Variants in HEATR3 observed in about 807,000 individuals in gnomAD.
HEATR3 encodes the protein HEAT repeat containing 3.
HEATR3 carries 56 observed loss-of-function variants against 72.8 expected under a neutral mutation model. That is an observed-to-expected ratio of 0.77 (90% CI 0.62 to 0.96). HEATR3 has a LOEUF of 0.96. HEATR3 is among the 40% of genes least tolerant of loss of function. HEATR3 has a pLI of 0.00. For synonymous variants in HEATR3, 331 were observed against 318.1 expected (o/e 1.04, Z -0.43); for missense variants, 747 against 831.4 (o/e 0.90, Z 1.25).
At position 50,105,144 on chromosome 16, in the gene HEATR3, T is replaced by G. The variant is rs372440692; in HGVS notation, c.*83T>G. 2.1e-5 allele frequency: 30 copies of G among 1,416,590 alleles called. No individual in the cohort carries two copies. The highest frequency in any genetic ancestry group is 1.8e-4 in the East Asian group (8 of 43,496). 87.8% of individuals were successfully genotyped at this position (1,416,590 alleles called of 1,614,324 possible). A position where few individuals can be genotyped will look rare whatever the true frequency, so the allele number is the denominator to read the frequency against. On this transcript the variant is annotated 3_prime_UTR_variant, in exon 15 of 15. Coordinates refer to ENST00000299192, the MANE Select transcript of HEATR3 (RefSeq NM_182922.4). Reference sequence around the variant, plus strand: ...AAGGTTTTCTTTGAATGTATATGTTTCTGAAAGTCATTTTTTAATGATTAC... The same window carrying G: ...AAGGTTTTCTTTGAATGTATATGTTGCTGAAAGTCATTTTTTAATGATTAC...
rs771971920 is a variant in HEATR3, at chr16:50,105,053, ACTT to A, written c.2039_2041del (p.Ser680del). On this transcript the variant is annotated inframe_deletion, in exon 15 of 15. Transcript: ENST00000299192. ...TCAAGAAACTGTTGAGAAAAGACTGACTTCTTAAACAATCCAAAAAAGAAACCA... is the reference window on the plus strand; with the variant it reads ...TCAAGAAACTGTTGAGAAAAGACTGACTTAAACAATCCAAAAAAGAAACCA... 8.7e-6 allele frequency: 14 copies of A among 1,608,832 alleles called. No individual in the cohort carries two copies. The African/African-American group carries it at 1.9e-4, about 22-fold the overall frequency.
At chr16:50,096,015 A>G (rs1018117686) in intron 12 of HEATR3, among the ~76,000 whole-genome samples, 4 of 152,062 alleles carry the variant, frequency 2.6e-5, no homozygotes, top group Non-Finnish European at 5.9e-5. Flanking sequence ...CAGTTTTCCC[A>G]GATTGCCTTA....
At chr16:50,072,521 G>A (rs891701028) in intron 4 of HEATR3, 84 bp from the exon 5 acceptor site, 11 of 861,472 alleles carry the variant, frequency 1.3e-5, no homozygotes, top group Admixed American at 2.3e-5. Context: ...ATAAAGCCTC[G>A]TTTGTTTTTT....
chr16:50,068,249 C>G (rs1208048251), intron 2 of HEATR3, among the ~76,000 whole-genome samples: 1 of 152,192 alleles, frequency 6.6e-6, no homozygotes, highest in African/African-American at 2.4e-5. Context: ...CCCAGGGCTG[C>G]TTTAGGGGGT....
intron 10 of HEATR3, 68 bp downstream of exon 10, chr16:50,084,719 T>C (rs2036950296): frequency 4.9e-6 from 6 of 1,235,834 alleles, no homozygotes; most frequent in Non-Finnish European, 7.0e-6. Flanking sequence ...GGCTATTAAA[T>C]AGAAGGTGCT....
intron 13 of HEATR3, chr16:50,100,843 A>G (rs867116481): frequency 1.7e-4 from 34 of 194,538 alleles, no homozygotes; most frequent in Admixed American, 1.3e-3. Flanking sequence ...TGGTAGTGCC[A>G]ATATACTAGC....
intron 11 of HEATR3, among the ~76,000 whole-genome samples, chr16:50,093,920 C>T (rs1379317315): frequency 6.6e-6 from 1 of 152,216 alleles, no homozygotes. Flanking sequence ...CACAAAGTCC[C>T]ACCCTGATTT....
At chr16:50,101,240 C>T (rs770971329) in intron 13 of HEATR3, among the ~76,000 whole-genome samples, 17 of 151,894 alleles carry the variant, frequency 1.1e-4, no homozygotes, top group Non-Finnish European at 1.9e-4. Context: ...CTCAGCCTCC[C>T]GAGTAGCTGG....
At chr16:50,078,451 A>G (rs942718315) in intron 6 of HEATR3, among the ~76,000 whole-genome samples, 1 of 152,190 alleles carries the variant, frequency 6.6e-6, no homozygotes, top group African/African-American at 2.4e-5. Context: ...GATGCCACTC[A>G]CTTTGTCATT....
rs570878267 is a variant in HEATR3 at position 50,091,965 on chromosome 16, A to C, written c.1511-2740A>C. 8.5e-5 allele frequency among the ~76,000 whole-genome samples: 13 copies of C among 152,200 alleles called. No individual in the cohort carries two copies. The East Asian group carries it at 2.5e-3, about 29-fold the overall frequency. ...GTGCAATTCATAAATCTATAAATTC[A>C]TAATTTTATAGGGCTATACCTAGAG... On this transcript the variant is annotated intron_variant, in intron 11 of 14. Transcript: ENST00000299192.
chr16:50,086,929 CAAAAT>C (rs968976598), intron 11 of HEATR3, among the ~76,000 whole-genome samples: 4 of 152,168 alleles, frequency 2.6e-5, no homozygotes, highest in African/African-American at 9.6e-5. Flanking sequence ...AACTCCATCT[CAAAAT>C]AATAATAATA....
At chr16:50,086,417 AT>A in intron 11 of HEATR3, 66 bp downstream of exon 11, 1 of 1,493,896 alleles carries the variant, frequency 6.7e-7, no homozygotes, top group African/African-American at 1.4e-5. Flanking sequence ...AGGAATTTGG[AT>A]TTTGTAAATG....
chr16:50,094,676 A>G, intron 11 of HEATR3, 29 bp from the exon 12 acceptor site: 2 of 1,381,824 alleles, frequency 1.4e-6, no homozygotes, highest in Non-Finnish European at 2.0e-6. Flanking sequence ...GGAGAAATGC[A>G]AATTTTATAT....
chr16:50,102,781 G>A (rs1218202131), intron 14 of HEATR3, among the ~76,000 whole-genome samples: 1 of 150,252 alleles, frequency 6.7e-6, no homozygotes, highest in East Asian at 1.9e-4. Context: ...TTGTTTTTTT[G>A]AGACAGAATC....
At chr16:50,069,513 T>C (rs999736479) in intron 3 of HEATR3, among the ~76,000 whole-genome samples, 4 of 152,208 alleles carry the variant, frequency 2.6e-5, no homozygotes, top group Admixed American at 1.3e-4. Context: ...TAACTGGCAA[T>C]GTCTGGAGAC....
intron 4 of HEATR3, 37 bp downstream of exon 4, chr16:50,070,327 A>G (rs761237425): frequency 3.3e-5 from 35 of 1,046,048 alleles, no homozygotes; most frequent in Non-Finnish European, 4.9e-5. Context: ...CTGCTATAGC[A>G]GTACCCAGGC....
chr16:50,091,465 T>A (rs1232816280), intron 11 of HEATR3, among the ~76,000 whole-genome samples: 3 of 151,678 alleles, frequency 2.0e-5, no homozygotes, highest in African/African-American at 7.3e-5. Context: ...ATACTCCGTC[T>A]AAAAAACATA....
At chr16:50,094,207 G>A (rs1333010424) in intron 11 of HEATR3, among the ~76,000 whole-genome samples, 1 of 152,220 alleles carries the variant, frequency 6.6e-6, no homozygotes, top group Non-Finnish European at 1.5e-5. Context: ...ATAAGGAGTA[G>A]GAGTGGGAAG....
At chr16:50,102,795 C>G (rs920979197) in intron 14 of HEATR3, among the ~76,000 whole-genome samples, 2 of 152,120 alleles carry the variant, frequency 1.3e-5, no homozygotes, top group Non-Finnish European at 2.9e-5. Flanking sequence ...CAGAATCTCA[C>G]TCTGTCGCCC....
Sources: allele counts gnomAD v4.1 joint callset (sites outside exome capture counted in the v4.1 genomes callset), GRCh38; gene constraint gnomAD v4.1.1; transcripts MANE v1.5; gene names NCBI Gene and HGNC (gene_info 2026-07-23, HGNC 2026-07-21).